Variants in ZFAND6 observed in about 807,000 individuals in gnomAD.
The protein encoded by ZFAND6 is AN1-type zinc finger protein 6.
Under a neutral mutation model 24.5 loss-of-function variants are expected in ZFAND6, and 12 were observed. That is an observed-to-expected ratio of 0.49 (90% CI 0.31 to 0.79). The LOEUF is 0.79. Among genes scored for constraint, ZFAND6 ranks in the 30% least tolerant of loss-of-function variants. The pLI is 0.04. For synonymous variants in ZFAND6, 92 were observed against 81.5 expected (o/e 1.13, Z -0.69); for missense variants, 207 against 245.9 (o/e 0.84, Z 1.06).
At chr15:80,133,308 C>T (rs553952894) in intron 6 of ZFAND6, among the ~76,000 whole-genome samples, 1 of 151,780 alleles carries the variant, frequency 6.6e-6, no homozygotes, top group Non-Finnish European at 1.5e-5. Context: ...TTCTCCTGCC[C>T]CAGCCTCCCA....
Position 80,065,001 on chromosome 15 carries a change from C to CTTT in ZFAND6, c.-181+5192_-181+5193insTTT, listed in dbSNP as rs1567046368. Among the ~76,000 whole-genome samples, 7 of 133,554 alleles carry CTTT rather than the reference C, an allele frequency of 5.2e-5. 1 individual carries two copies. Among genetic ancestry groups the CTTT allele is most frequent in the Non-Finnish European group, 6.4e-5 (4 of 62,524 alleles). The allele number at this position is 133,554 out of a possible 152,430, so 87.6% of individuals were successfully genotyped here. On this transcript the variant is annotated intron_variant, in intron 1 of 6. Transcript: ENST00000261749. ...TTTTCTCTTGCTCTCTCTCTCTCCC[C>CTTT]CTTTTTTTTTTTTTTTTTTTTAACA... is the stretch of plus-strand genomic sequence containing the variant.
intron 1 of ZFAND6, among the ~76,000 whole-genome samples, chr15:80,079,710 C>T (rs1342492862): frequency 6.2e-5 from 8 of 128,954 alleles, no homozygotes; most frequent in African/African-American, 9.0e-5. Flanking sequence ...AGTGCAGTGG[C>T]GCAAACTTGG....
At chr15:80,137,059 A>T (rs2040897026) in intron 6 of ZFAND6, among the ~76,000 whole-genome samples, 2 of 152,242 alleles carry the variant, frequency 1.3e-5, no homozygotes. Flanking sequence ...AAAAGCAAAT[A>T]TCGAAGCTGT....
chr15:80,101,986 G>A (rs1366694625), intron 2 of ZFAND6, among the ~76,000 whole-genome samples: 2 of 151,280 alleles, frequency 1.3e-5, no homozygotes, highest in Non-Finnish European at 2.9e-5. Flanking sequence ...GTAGAGAACG[G>A]GGTTTTTTAG....
chr15:80,114,445 G>A (rs1407134331), intron 2 of ZFAND6, among the ~76,000 whole-genome samples: 2 of 152,164 alleles, frequency 1.3e-5, no homozygotes, highest in Non-Finnish European at 2.9e-5. Context: ...AACTAAAACC[G>A]AAGTAATATG....
intron 1 of ZFAND6, among the ~76,000 whole-genome samples, chr15:80,079,569 A>G (rs2037518235): frequency 6.6e-6 from 1 of 151,834 alleles, no homozygotes; most frequent in African/African-American, 2.4e-5. Flanking sequence ...AAATAATAAA[A>G]ATGTAAAATA....
At chr15:80,063,567 T>G (rs1308507820) in intron 1 of ZFAND6, among the ~76,000 whole-genome samples, 1 of 151,618 alleles carries the variant, frequency 6.6e-6, no homozygotes, top group African/African-American at 2.4e-5. Context: ...AATTTTTTTT[T>G]TTTTTTTTGA....
chr15:80,103,082 C>G (rs544704258), intron 2 of ZFAND6, among the ~76,000 whole-genome samples: 46 of 152,222 alleles, frequency 3.0e-4, no homozygotes, highest in African/African-American at 1.0e-3. Context: ...AGGGTTTATC[C>G]CATGGTACTA....
At chr15:80,121,023 C>T (rs374611368) in intron 3 of ZFAND6, among the ~76,000 whole-genome samples, 3 of 152,198 alleles carry the variant, frequency 2.0e-5, no homozygotes, top group African/African-American at 4.8e-5. Context: ...TTGAGGTGGT[C>T]TTTTGTTTCA....
At position 80,120,401 on chromosome 15, in the gene ZFAND6, A is replaced by G. The variant is rs767817927; in HGVS notation, c.57A>G (p.Gly19=). Residue 19 remains glycine (G), a synonymous_variant, in exon 3 of 7, where the codon GGA becomes GGG. Transcript: ENST00000261749. The part of the protein sequence containing the change: ...QVPMLCSTGC[G]FYGNPRTNGM... ...CTATGCTTTGTTCCACTGGCTGTGG[A>G]TTTTATGGAAACCCTCGTACAAATG... The G allele has an allele frequency of 8.1e-6, 13 of 1,606,648 alleles. No individual in the cohort carries two copies. Among genetic ancestry groups the G allele is most frequent in the Admixed American group, 1.7e-5 (1 of 59,624 alleles).
At chr15:80,076,992 TAAAAG>T (rs1042598305) in intron 1 of ZFAND6, among the ~76,000 whole-genome samples, 6 of 152,152 alleles carry the variant, frequency 3.9e-5, no homozygotes, top group African/African-American at 1.4e-4. Flanking sequence ...TACAAGAAGA[TAAAAG>T]AATGAGGCAC....
intron 1 of ZFAND6, among the ~76,000 whole-genome samples, chr15:80,083,094 C>T (rs2037774165): frequency 6.6e-6 from 1 of 152,158 alleles, no homozygotes; most frequent in South Asian, 2.1e-4. Flanking sequence ...TGGGTTCACG[C>T]CATTCTCCTG....
At chr15:80,092,500 A>T (rs970810722) in intron 1 of ZFAND6, among the ~76,000 whole-genome samples, 2 of 152,186 alleles carry the variant, frequency 1.3e-5, no homozygotes, top group East Asian at 3.8e-4. Flanking sequence ...TATTTAAAAC[A>T]TATCAGTTAT....
intron 1 of ZFAND6, among the ~76,000 whole-genome samples, chr15:80,091,217 C>T (rs983308400): frequency 6.6e-6 from 1 of 151,578 alleles, no homozygotes; most frequent in African/African-American, 2.4e-5. Context: ...TAGTTTCTCA[C>T]CCTATTAGGT....
intron 1 of ZFAND6, among the ~76,000 whole-genome samples, chr15:80,068,879 C>A (rs2036814466): frequency 6.6e-6 from 1 of 152,212 alleles, no homozygotes; most frequent in South Asian, 2.1e-4. Context: ...GGGACTATAT[C>A]CATTTTATTT....
chr15:80,106,377 C>CTGTTTTTAATGA, intron 2 of ZFAND6, among the ~76,000 whole-genome samples: 1 of 152,216 alleles, frequency 6.6e-6, no homozygotes, highest in South Asian at 2.1e-4. Flanking sequence ...TTTATTGAAA[C>CTGTTTTTAATGA]ACAGCCATTC....
chr15:80,066,712 C>T (rs537692984), intron 1 of ZFAND6, among the ~76,000 whole-genome samples: 3 of 151,820 alleles, frequency 2.0e-5, no homozygotes, highest in Non-Finnish European at 4.4e-5. Context: ...GCCTGGCCAA[C>T]GTGGCGAAAC....
At chr15:80,081,471 CAGG>C (rs1476387012) in intron 1 of ZFAND6, among the ~76,000 whole-genome samples, 1 of 152,168 alleles carries the variant, frequency 6.6e-6, no homozygotes, top group East Asian at 1.9e-4. Flanking sequence ...CAGAACAGTT[CAGG>C]AGGACTGCAG....
At chr15:80,079,770 C>G (rs1230908401) in intron 1 of ZFAND6, among the ~76,000 whole-genome samples, 2 of 150,838 alleles carry the variant, frequency 1.3e-5, no homozygotes, top group African/African-American at 2.4e-5. Context: ...CTGCCTTAGC[C>G]TCCCCGAGTA....
Sources: allele counts gnomAD v4.1 joint callset (sites outside exome capture counted in the v4.1 genomes callset), GRCh38; gene constraint gnomAD v4.1.1; transcripts MANE v1.5; gene names NCBI Gene and HGNC (gene_info 2026-07-23, HGNC 2026-07-21).